The following RMST variants were observed in gnomAD, a reference collection of about 807,000 sequenced individuals.
RMST encodes rhabdomyosarcoma 2 associated transcript.
chr12:97,509,724 C>T (rs566261528), intron 10 of RMST, among the ~76,000 whole-genome samples: 5 of 152,232 alleles, frequency 3.3e-5, no homozygotes, highest in Non-Finnish European at 7.3e-5. Flanking sequence ...GTCCCCAGTA[C>T]AGGAGCCCTG....
At chr12:97,523,503 G>C (rs572852429) in intron 10 of RMST, among the ~76,000 whole-genome samples, 1 of 152,216 alleles carries the variant, frequency 6.6e-6, no homozygotes, top group Admixed American at 6.5e-5. Flanking sequence ...AAATGACAGA[G>C]GTATGAGGTG....
chr12:97,467,490 T>C (rs973182073), intron 5 of RMST, among the ~76,000 whole-genome samples: 8 of 152,014 alleles, frequency 5.3e-5, no homozygotes, highest in African/African-American at 1.9e-4. Context: ...TTATAGTAAA[T>C]AATTAGTCAG....
chr12:97,472,258 G>A lies in RMST; in HGVS notation n.644+6531G>A, dbSNP rs7132795. ...GAGAATGGTGTAACTTTCAAGTGGT[G>A]AGGAAGTCATCTAGAAGGTACATAC... On this transcript the variant is annotated intron_variant and non_coding_transcript_variant, in intron 5 of 13. Transcript: ENST00000640149. 2.4e-3 allele frequency among the ~76,000 whole-genome samples: 367 copies of A among 152,204 alleles called. 6 individuals are homozygous for A. The highest frequency in any genetic ancestry group is 8.6e-3 in the African/African-American group (358 of 41,530).
chr12:97,512,841 C>T (rs996469260), intron 10 of RMST, among the ~76,000 whole-genome samples: 4 of 152,164 alleles, frequency 2.6e-5, no homozygotes, highest in East Asian at 1.9e-4. Flanking sequence ...CAGGGGGCGG[C>T]GTGTCGGGGA....
intron 10 of RMST, among the ~76,000 whole-genome samples, chr12:97,507,441 CAG>C (rs1397097112): frequency 2.6e-5 from 4 of 152,046 alleles, no homozygotes; most frequent in Non-Finnish European, 5.9e-5. Context: ...ATGAGGAAGA[CAG>C]ACTAGATTCA....
chr12:97,514,671 T>G (rs987677813), intron 10 of RMST, among the ~76,000 whole-genome samples: 1 of 152,152 alleles, frequency 6.6e-6, no homozygotes, highest in Non-Finnish European at 1.5e-5. Context: ...TATATTGTTT[T>G]TTTTTTTTCT....
At chr12:97,549,873 T>G (rs537594672) in intron 11 of RMST, among the ~76,000 whole-genome samples, 19 of 152,306 alleles carry the variant, frequency 1.2e-4, no homozygotes, top group South Asian at 1.2e-3. Flanking sequence ...AAGGGTAGGT[T>G]CAAGACCAGT....
At chr12:97,551,819 T>C (rs930691705) in intron 11 of RMST, 1 of 152,198 alleles carries the variant, frequency 6.6e-6, no homozygotes, top group Non-Finnish European at 1.5e-5. Flanking sequence ...AGCCATGCTA[T>C]CTCCCCACAT....
At chr12:97,555,717 A>G (rs946529367) in intron 11 of RMST, among the ~76,000 whole-genome samples, 3 of 152,214 alleles carry the variant, frequency 2.0e-5, no homozygotes, top group African/African-American at 7.2e-5. Flanking sequence ...CTGGAAAGCA[A>G]AGTCAATAAA....
rs569623402 is a variant in RMST, at chr12:97,498,985, A to G, written n.1340+2929A>G. 4.6e-5 allele frequency among the ~76,000 whole-genome samples: 7 copies of G among 152,260 alleles called. 1 individual carries two copies. The East Asian group carries it at 1.4e-3, about 29-fold the overall frequency. On this transcript the variant is annotated intron_variant and non_coding_transcript_variant, in intron 10 of 13. Coordinates refer to ENST00000640149, the Ensembl canonical transcript of RMST. ...CTTCAGGAGCTCTCCTCAGAGTGGT[A>G]ATGGTTAAGTGGGCCAATGGGTAAG...
At chr12:97,507,685 A>G (rs1878852461) in intron 10 of RMST, among the ~76,000 whole-genome samples, 1 of 150,002 alleles carries the variant, frequency 6.7e-6, no homozygotes, top group Non-Finnish European at 1.5e-5. Flanking sequence ...TCCAGAGGTT[A>G]GTAATATGAA....
At chr12:97,546,632 T>C (rs1166480936) in intron 11 of RMST, among the ~76,000 whole-genome samples, 1 of 151,928 alleles carries the variant, frequency 6.6e-6, no homozygotes, top group East Asian at 1.9e-4. Flanking sequence ...CCAAAGTAAA[T>C]TTTGTGACTA....
chr12:97,493,206 T>C (rs2136455761), exon 7 of RMST: 1 of 152,730 alleles, frequency 6.5e-6, no homozygotes, highest in Non-Finnish European at 1.5e-5. Flanking sequence ...TCTACAGGTG[T>C]CATACAAAAA....
intron 11 of RMST, among the ~76,000 whole-genome samples, chr12:97,549,013 T>G (rs1883134746): frequency 6.6e-6 from 1 of 152,174 alleles, no homozygotes; most frequent in South Asian, 2.1e-4. Context: ...AAGAATGATT[T>G]GAGAACATCA....
At chr12:97,533,686 G>A (rs1432597431) in intron 11 of RMST, 1 of 151,660 alleles carries the variant, frequency 6.6e-6, no homozygotes, top group Non-Finnish European at 1.5e-5. Flanking sequence ...TTAGTCTTAG[G>A]TCCCACCACA....
chr12:97,467,899 G>A (rs1330173889), intron 5 of RMST, among the ~76,000 whole-genome samples: 2 of 151,912 alleles, frequency 1.3e-5, no homozygotes, highest in Admixed American at 6.6e-5. Context: ...TATGTTCATG[G>A]GATTGATATT....
chr12:97,483,185 G>T (rs1875640756), intron 5 of RMST, among the ~76,000 whole-genome samples: 1 of 152,052 alleles, frequency 6.6e-6, no homozygotes, highest in African/African-American at 2.4e-5. Context: ...ACTAATAAAG[G>T]GCTAAAGAAC....
chr12:97,556,831 C>A (rs1363692882), intron 11 of RMST, among the ~76,000 whole-genome samples: 2 of 152,150 alleles, frequency 1.3e-5, no homozygotes, highest in African/African-American at 4.8e-5. Context: ...TCATAAGATA[C>A]TTGACTTTAT....
chr12:97,545,357 G>A (rs191887038), intron 11 of RMST, among the ~76,000 whole-genome samples: 1 of 152,112 alleles, frequency 6.6e-6, no homozygotes, highest in African/African-American at 2.4e-5. Flanking sequence ...GAACATCATG[G>A]AGCTGGTGAG....
Sources: allele counts gnomAD v4.1 joint callset (sites outside exome capture counted in the v4.1 genomes callset), GRCh38; gene constraint gnomAD v4.1.1; transcripts MANE v1.5; gene names NCBI Gene and HGNC (gene_info 2026-07-23, HGNC 2026-07-21).